Variants in ARNT2 observed in about 807,000 individuals in gnomAD.
ARNT2 encodes the protein ARNT protein 2.
Under a neutral mutation model 91.7 loss-of-function variants are expected in ARNT2, and 36 were observed. The observed-to-expected ratio is 0.39, with a 90% CI of 0.30 to 0.52. The LOEUF is 0.52. ARNT2 is among the 20% of genes least tolerant of loss of function. The pLI, the probability that ARNT2 is intolerant of heterozygous loss-of-function variation, is 0.72. For synonymous variants in ARNT2, 365 were observed against 347.1 expected (o/e 1.05, Z -0.57); for missense variants, 775 against 939.3 (o/e 0.83, Z 2.29).
chr15:80,576,704 A>G (rs535905822), intron 14 of ARNT2, among the ~76,000 whole-genome samples, 162 bp from the exon 15 acceptor site: 9 of 152,302 alleles, frequency 5.9e-5, no homozygotes, highest in African/African-American at 2.2e-4. Flanking sequence ...AGGGGAGATG[A>G]GGAGGCAGAG....
Position 80,443,060 on chromosome 15 carries a change from G to C in ARNT2, c.32-7820G>C, listed in dbSNP as rs1029044670. 6 of 980,394 alleles carry C rather than the reference G, an allele frequency of 6.1e-6. No individual in the cohort carries two copies. The African/African-American group carries it at 1.1e-4, about 17-fold the overall frequency. 60.7% of individuals were successfully genotyped at this position (980,394 alleles called of 1,614,324 possible). ...GAATGAATCACCAGGGACCAGACCTGGACTGGGTAGGGGAGGGGTTGTTCA... is the reference window on the plus strand; with the variant it reads ...GAATGAATCACCAGGGACCAGACCTCGACTGGGTAGGGGAGGGGTTGTTCA... On this transcript the variant is annotated intron_variant, in intron 1 of 18. Coordinates refer to ENST00000303329, the MANE Select transcript of ARNT2 (RefSeq NM_014862.4).
intron 8 of ARNT2, among the ~76,000 whole-genome samples, chr15:80,535,294 C>T (rs771156084): frequency 6.6e-6 from 1 of 152,152 alleles, no homozygotes; most frequent in Non-Finnish European, 1.5e-5. Flanking sequence ...ATCGTTATGT[C>T]AGTGCTCTAA....
intron 8 of ARNT2, among the ~76,000 whole-genome samples, chr15:80,540,207 C>T (rs749107162): frequency 1.3e-5 from 2 of 152,160 alleles, no homozygotes; most frequent in Non-Finnish European, 1.5e-5. Flanking sequence ...GGTAGCTCCA[C>T]GTTTAACCTC....
chr15:80,518,011 T>C (rs1331426658), intron 8 of ARNT2, among the ~76,000 whole-genome samples: 1 of 152,202 alleles, frequency 6.6e-6, no homozygotes, highest in African/African-American at 2.4e-5. Context: ...GTGCTCACTT[T>C]GTCTCTTCAA....
At chr15:80,451,052 A>G (rs1173344241) in intron 2 of ARNT2, 58 bp downstream of exon 2, 1 of 1,474,616 alleles carries the variant, frequency 6.8e-7, no homozygotes, top group Non-Finnish European at 9.4e-7. Flanking sequence ...AATGCTCTTG[A>G]CCTGTTAGGA....
Position 80,591,787 on chromosome 15 carries a change from C to T in ARNT2, c.2055+83C>T, listed in dbSNP as rs1003453991. ...TCCCCCTCGGTCTCTGCCGCACCAC[C>T]GCCTGCCCGATAGCCGTCGTGAGTT... On this transcript the variant is annotated intron_variant, in intron 18 of 18. Transcript: ENST00000303329. This position sits in a 1 kb window ranked among gnomAD's most constrained non-coding sequence, Gnocchi z 5.1. The T allele has an allele frequency of 5.2e-5, 82 of 1,575,966 alleles. No homozygotes were observed. Among genetic ancestry groups the T allele is most frequent in the Non-Finnish European group, 6.0e-5 (69 of 1,157,570 alleles).
chr15:80,596,818 A>G lies in ARNT2; in HGVS notation c.*3120A>G. On this transcript the variant is annotated 3_prime_UTR_variant, in exon 19 of 19. Coordinates refer to ENST00000303329, the MANE Select transcript of ARNT2 (RefSeq NM_014862.4). ...TACAGTGACAACCCGGGCCGGCAGC[A>G]AGGACACAGATGCAGCCACAGTAAG... is the stretch of plus-strand genomic sequence containing the variant. 3.7e-6 allele frequency: 1 copy of G among 273,596 alleles called. No homozygotes were observed. Among genetic ancestry groups the G allele is most frequent in the Non-Finnish European group, 7.3e-6 (1 of 137,050 alleles). The allele number at this position is 273,596 out of a possible 1,614,324, so 16.9% of individuals were successfully genotyped here.
chr15:80,579,380 C>T (rs1427179312), intron 15 of ARNT2, among the ~76,000 whole-genome samples: 2 of 152,196 alleles, frequency 1.3e-5, no homozygotes, highest in Non-Finnish European at 2.9e-5. Context: ...TTACAATGAT[C>T]AGCTCAAGAA....
At chr15:80,477,163 A>G (rs953363017) in intron 5 of ARNT2, among the ~76,000 whole-genome samples, 1 of 152,182 alleles carries the variant, frequency 6.6e-6, no homozygotes, top group Non-Finnish European at 1.5e-5. Context: ...TGCTTTTTGT[A>G]CAGCCTGCAG....
chr15:80,471,027 G>A (rs1229701481), intron 4 of ARNT2, among the ~76,000 whole-genome samples: 1 of 152,166 alleles, frequency 6.6e-6, no homozygotes, highest in African/African-American at 2.4e-5. Flanking sequence ...CCCATTACTG[G>A]GTTTATACCC....
chr15:80,513,721 C>CAAAAAAAAA (rs36113299), intron 6 of ARNT2, among the ~76,000 whole-genome samples, 190 bp from the exon 7 acceptor site: 3 of 100,910 alleles, frequency 3.0e-5, no homozygotes, highest in East Asian at 2.6e-4. Context: ...TCTTCAGTCA[C>CAAAAAAAAA]AAAAAAAAAA....
chr15:80,427,857 A>T (rs1188840314), intron 1 of ARNT2, among the ~76,000 whole-genome samples: 2 of 152,214 alleles, frequency 1.3e-5, no homozygotes, highest in Admixed American at 1.3e-4. Flanking sequence ...TACCTCTGTG[A>T]CAATTATTCC....
intron 15 of ARNT2, among the ~76,000 whole-genome samples, chr15:80,577,417 C>T (rs1000014841): frequency 2.6e-5 from 4 of 152,194 alleles, no homozygotes; most frequent in African/African-American, 9.7e-5. Flanking sequence ...GCAGGGTGTC[C>T]AACCTTCCCA....
At chr15:80,567,474 G>A (rs936748516) in intron 12 of ARNT2, among the ~76,000 whole-genome samples, 5 of 152,178 alleles carry the variant, frequency 3.3e-5, no homozygotes, top group South Asian at 2.1e-4. Flanking sequence ...AGGGGCAGAC[G>A]GGAGGGACAG....
intron 8 of ARNT2, among the ~76,000 whole-genome samples, chr15:80,525,929 C>A (rs917659555): frequency 6.6e-6 from 1 of 152,094 alleles, no homozygotes; most frequent in Non-Finnish European, 1.5e-5. Flanking sequence ...AGCAAAGTTG[C>A]TAAAAATATC....
intron 5 of ARNT2, among the ~76,000 whole-genome samples, chr15:80,489,462 A>C (rs377331834): frequency 1.1e-4 from 16 of 152,332 alleles, no homozygotes; most frequent in East Asian, 3.9e-4. Flanking sequence ...GTGATGACAT[A>C]AATTACTCTG....
At chr15:80,474,020 C>G (rs1015869546) in intron 4 of ARNT2, among the ~76,000 whole-genome samples, 36 of 152,178 alleles carry the variant, frequency 2.4e-4, no homozygotes, top group African/African-American at 8.7e-4. Context: ...CCATGGATTA[C>G]AGTGTCTAGG....
intron 5 of ARNT2, among the ~76,000 whole-genome samples, chr15:80,481,611 G>A (rs763166064): frequency 9.9e-5 from 15 of 152,158 alleles, no homozygotes; most frequent in Non-Finnish European, 1.8e-4. Flanking sequence ...TACTCAGGAG[G>A]CTGAAGTGGG....
intron 1 of ARNT2, among the ~76,000 whole-genome samples, chr15:80,446,166 A>G (rs1192549475): frequency 6.6e-6 from 1 of 152,056 alleles, no homozygotes; most frequent in Non-Finnish European, 1.5e-5. Context: ...AGGCTAAGTA[A>G]TTTGCTCAAG....
Sources: allele counts gnomAD v4.1 joint callset (sites outside exome capture counted in the v4.1 genomes callset), GRCh38; gene constraint gnomAD v4.1.1; non-coding constraint Gnocchi (gnomAD v3.1); transcripts MANE v1.5; gene names NCBI Gene and HGNC (gene_info 2026-07-23, HGNC 2026-07-21).